Variants in PTPRN2 observed in about 807,000 individuals in gnomAD.
PTPRN2 encodes protein tyrosine phosphatase receptor type N2.
PTPRN2 carries 74 observed loss-of-function variants against 118.8 expected under a neutral mutation model. The observed-to-expected ratio is 0.62, with a 90% confidence interval of 0.52 to 0.76. PTPRN2 has a LOEUF of 0.76. Among genes scored for constraint, PTPRN2 ranks in the 30% least tolerant of loss-of-function variants. PTPRN2 has a pLI of 0.00. For synonymous variants in PTPRN2, 641 were observed against 608.0 expected (o/e 1.05, Z -0.80); for missense variants, 1,481 against 1,394.4 (o/e 1.06, Z -0.99).
chr7:158,329,097 C>T (rs969707798), intron 2 of PTPRN2, among the ~76,000 whole-genome samples: 36 of 152,300 alleles, frequency 2.4e-4, no homozygotes, highest in African/African-American at 8.2e-4. Flanking sequence ...AATCCAGCGG[C>T]GCACAGCCCA....
chr7:158,411,573 C>T (rs940286517), intron 2 of PTPRN2, among the ~76,000 whole-genome samples: 1 of 152,194 alleles, frequency 6.6e-6, no homozygotes, highest in Non-Finnish European at 1.5e-5. Context: ...TGGGATCCCC[C>T]AGGTAACACA....
At chr7:157,833,049 G>T (rs1283998549) in intron 12 of PTPRN2, among the ~76,000 whole-genome samples, 4 of 151,576 alleles carry the variant, frequency 2.6e-5, no homozygotes, top group Admixed American at 2.0e-4. Flanking sequence ...TGGTAAACTC[G>T]TCCAGGAAGT....
intron 1 of PTPRN2, among the ~76,000 whole-genome samples, chr7:158,543,555 C>A (rs1007558349): frequency 6.6e-6 from 1 of 152,212 alleles, no homozygotes; most frequent in Non-Finnish European, 1.5e-5. Context: ...AAAACTGTTA[C>A]CAAGATGGCA....
chr7:158,226,673 CTTT>C (rs757950532), intron 3 of PTPRN2, among the ~76,000 whole-genome samples: 1 of 106,364 alleles, frequency 9.4e-6, no homozygotes, highest in African/African-American at 4.6e-5. Flanking sequence ...CAGCGCTTCC[CTTT>C]TTTTTTTTTT....
chr7:158,281,981 G>A (rs191031182), intron 3 of PTPRN2, among the ~76,000 whole-genome samples: 19 of 152,298 alleles, frequency 1.2e-4, no homozygotes, highest in African/African-American at 4.6e-4. Context: ...TCGTCTCCCA[G>A]ACATTTTGGG....
intron 2 of PTPRN2, among the ~76,000 whole-genome samples, chr7:158,463,720 C>A (rs1292591944): frequency 1.3e-5 from 2 of 152,170 alleles, no homozygotes; most frequent in African/African-American, 4.8e-5. Context: ...CCATCGCCAT[C>A]ATTGCCATGC....
At chr7:157,984,364 G>GCCAGGCTCCACCCCCCACA in intron 11 of PTPRN2, among the ~76,000 whole-genome samples, 1 of 82,560 alleles carries the variant, frequency 1.2e-5, no homozygotes, top group African/African-American at 5.7e-5. Flanking sequence ...CCAATCCCAC[G>GCCAGGCTCCACCCCCCACA]CCAGGCTCCA....
At chr7:158,373,768 T>C (rs1271620494) in intron 2 of PTPRN2, among the ~76,000 whole-genome samples, 1 of 152,204 alleles carries the variant, frequency 6.6e-6, no homozygotes, top group African/African-American at 2.4e-5. Context: ...TTTCAGCCCA[T>C]GCACCTGCAG....
At chr7:158,477,411 G>A (rs914565360) in intron 2 of PTPRN2, among the ~76,000 whole-genome samples, 5 of 152,050 alleles carry the variant, frequency 3.3e-5, no homozygotes, top group Non-Finnish European at 7.4e-5. Context: ...TTTGGTGAAG[G>A]GACACAAAAG....
chr7:157,737,857 T>A (rs1033817764), intron 12 of PTPRN2, among the ~76,000 whole-genome samples: 2 of 152,184 alleles, frequency 1.3e-5, no homozygotes, highest in African/African-American at 2.4e-5. Flanking sequence ...CCACCCCCGA[T>A]GCGGGGAGGA....
chr7:158,583,206 AT>A (rs1419056985), intron 1 of PTPRN2, among the ~76,000 whole-genome samples: 2 of 152,198 alleles, frequency 1.3e-5, no homozygotes, highest in African/African-American at 4.8e-5. Context: ...TGCAGAAATT[AT>A]TGTCACATAA....
intron 5 of PTPRN2, among the ~76,000 whole-genome samples, chr7:158,169,417 A>AGTGTGTCTGTGTGTGTGT (rs773827214): frequency 8.1e-5 from 11 of 136,628 alleles, no homozygotes; most frequent in African/African-American, 2.8e-4. Flanking sequence ...TGCTTTTGTG[A>AGTGTGTCTGTGTGTGTGT]GTGTGTGTGT....
rs577260494 is a variant in PTPRN2 at position 157,784,028 on chromosome 7, G to GTTGGAGT, written c.1789-101098_1789-101092dup. 6.8e-4 allele frequency among the ~76,000 whole-genome samples: 104 copies of GTTGGAGT among 152,328 alleles called. No homozygotes were observed. The highest frequency in any genetic ancestry group is 1.4e-3 in the Non-Finnish European group (94 of 68,028). On this transcript the variant is annotated intron_variant, in intron 12 of 22. Coordinates refer to ENST00000389418, the MANE Select transcript of PTPRN2 (RefSeq NM_002847.5). The surrounding 1 kb of genome is among the most constrained non-coding windows in gnomAD (Gnocchi z 4.6). ...GAGTGGCTGAAACATTTCCCACATG[G>GTTGGAGT]TTGGAGTTTAAGTCTCTCAAGGTAG...
chr7:158,528,511 G>C (rs138205523), intron 1 of PTPRN2, among the ~76,000 whole-genome samples: 2,985 of 152,210 alleles, frequency 0.02, 39 homozygotes, highest in Middle Eastern at 0.037. Flanking sequence ...GCTGGGCCAG[G>C]CTCGGTGGCT....
chr7:157,708,107 C>G (rs1309026100), intron 12 of PTPRN2, among the ~76,000 whole-genome samples: 2 of 152,270 alleles, frequency 1.3e-5, no homozygotes, highest in African/African-American at 4.8e-5. Flanking sequence ...TCCCTGTAAG[C>G]AGGACAGTGG....
In PTPRN2 at chr7:158,102,569, G is replaced by C. The variant is rs569503467; in HGVS notation, c.1643+8260C>G. On this transcript the variant is annotated intron_variant, in intron 10 of 22. Coordinates refer to ENST00000389418, the MANE Select transcript of PTPRN2 (RefSeq NM_002847.5). ...ACGTTCATCAGTAATTGTGGGCCTTGGCAGCAACAGGTGAGTTTCCCAGGG... is the reference window on the plus strand; with the variant it reads ...ACGTTCATCAGTAATTGTGGGCCTTCGCAGCAACAGGTGAGTTTCCCAGGG... Among the ~76,000 whole-genome samples, 94 of 152,286 alleles carry C rather than the reference G, an allele frequency of 6.2e-4. 1 individual carries two copies. The highest frequency in any genetic ancestry group is 2.2e-3 in the African/African-American group (90 of 41,560).
chr7:157,613,688 C>G (rs538145818), intron 15 of PTPRN2, among the ~76,000 whole-genome samples: 1 of 152,238 alleles, frequency 6.6e-6, no homozygotes, highest in Admixed American at 6.5e-5. Context: ...TCTCCCGACA[C>G]CGGCCTGCCT....
rs1825102527 is a variant in PTPRN2, at chr7:158,529,991, C to T, written c.113-40206G>A. On this transcript the variant is annotated intron_variant, in intron 1 of 22. Coordinates refer to ENST00000389418, the MANE Select transcript of PTPRN2 (RefSeq NM_002847.5). This position sits in a 1 kb window ranked among gnomAD's most constrained non-coding sequence, Gnocchi z 4.7. ...TGCACGCCACACATGCCATACACAC[C>T]ACACGCATGCCACATGCACACCCCT... 6.6e-6 allele frequency among the ~76,000 whole-genome samples: 1 copy of T among 152,166 alleles called. No homozygotes were observed. Among genetic ancestry groups the T allele is most frequent in the African/African-American group, 2.4e-5 (1 of 41,436 alleles).
chr7:158,513,498 A>G (rs1234888233), intron 1 of PTPRN2, among the ~76,000 whole-genome samples: 1 of 152,254 alleles, frequency 6.6e-6, no homozygotes, highest in Non-Finnish European at 1.5e-5. Flanking sequence ...TTCCTTAATT[A>G]TGACAAACTG....
Sources: gnomAD v4.1 joint callset for allele counts (sites outside exome capture counted in the v4.1 genomes callset) on GRCh38, gnomAD v4.1.1 for gene constraint, Gnocchi (gnomAD v3.1) non-coding constraint, MANE v1.5 for transcripts, NCBI Gene and HGNC (gene_info 2026-07-23, HGNC 2026-07-21) for gene names.